Variants in SLCO3A1 observed in about 807,000 individuals in gnomAD.
SLCO3A1 encodes PGE1 transporter.
In SLCO3A1, 27 loss-of-function variants were observed where a neutral mutation model predicts 63.1. The ratio of observed to expected loss-of-function variants is 0.43; its 90% CI spans 0.32 to 0.59. SLCO3A1 has a LOEUF of 0.59. Among genes scored for constraint, SLCO3A1 ranks in the 20% least tolerant of loss-of-function variants. SLCO3A1 has a pLI of 0.09. For missense variants in SLCO3A1, 773 were observed against 945.8 expected (o/e 0.82, Z 2.40); for synonymous variants, 473 against 409.9 (o/e 1.15, Z -1.86).
At chr15:91,957,317 A>G (rs1900276742) in intron 2 of SLCO3A1, among the ~76,000 whole-genome samples, 1 of 147,740 alleles carries the variant, frequency 6.8e-6, no homozygotes, top group African/African-American at 2.5e-5. Flanking sequence ...TCTTCTGTAG[A>G]TTTCAGCCGC....
intron 2 of SLCO3A1, among the ~76,000 whole-genome samples, chr15:92,002,059 T>C (rs1313808586): frequency 6.6e-6 from 1 of 152,126 alleles, no homozygotes; most frequent in Admixed American, 6.6e-5. Context: ...GACCACGACA[T>C]AGGGACTCTT....
chr15:92,051,415 C>A (rs1230800152), intron 2 of SLCO3A1, among the ~76,000 whole-genome samples: 1 of 152,158 alleles, frequency 6.6e-6, no homozygotes, highest in Non-Finnish European at 1.5e-5. Context: ...TAGACTTCAT[C>A]TTGTGGGCAG....
rs1402934228 is a variant in SLCO3A1 at position 91,853,938 on chromosome 15, G to T, written c.30G>T (p.Ser10=). The T allele has an allele frequency of 2.1e-6, 3 of 1,460,730 alleles. No homozygotes were observed. The highest frequency in any genetic ancestry group is 1.3e-5 in the South Asian group (1 of 75,272). The allele number at this position is 1,460,730 out of a possible 1,614,324, so 90.5% of individuals were successfully genotyped here. MQGKKPGGS[S]GGGRSGELQG... is the part of the protein sequence containing the mutation. ...AGGGGAAGAAGCCGGGCGGTTCGTC[G>T]GGCGGCGGCCGGAGCGGCGAGCTGC... Residue 10 remains serine, a synonymous_variant, in exon 1 of 10, where the codon TCG becomes TCT. Transcript: ENST00000318445.
Position 91,862,431 on chromosome 15 carries a change from A to G in SLCO3A1, c.180+8343A>G, listed in dbSNP as rs992028184. On this transcript the variant is annotated intron_variant, in intron 1 of 9. Transcript: ENST00000318445. The surrounding 1 kb of genome is among the most constrained non-coding windows in gnomAD (Gnocchi z 4.0). ...TCAGCCTTAGCATTGGTTTTGGTTA[A>G]AATCTTTGCCCTCTGAAAATTCTGG... is the stretch of plus-strand genomic sequence containing the variant. Among the ~76,000 whole-genome samples, 3 of 152,054 alleles carry G rather than the reference A, an allele frequency of 2.0e-5. No homozygotes were observed. The highest frequency in any genetic ancestry group is 7.2e-5 in the African/African-American group (3 of 41,396).
chr15:92,004,828 T>G (rs1315769869), intron 2 of SLCO3A1, among the ~76,000 whole-genome samples: 2 of 152,262 alleles, frequency 1.3e-5, no homozygotes, highest in East Asian at 3.8e-4. Flanking sequence ...CTTTTCATCC[T>G]GGATGCATCT....
intron 2 of SLCO3A1, among the ~76,000 whole-genome samples, chr15:92,003,027 T>G (rs2046273511): frequency 6.6e-6 from 1 of 152,168 alleles, no homozygotes; most frequent in African/African-American, 2.4e-5. Flanking sequence ...GAGGCAAGGA[T>G]ATCACTCTTC....
Position 92,054,343 on chromosome 15 carries a change from ATGTT to A in SLCO3A1, c.647-40524_647-40521del, listed in dbSNP as rs201527425. ...AATGCTTATTTCCCTGCACACTTCT[ATGTT>A]TGTTTGTTTGTTTTAACAGTTGTAG... On this transcript the variant is annotated intron_variant, in intron 2 of 9. Transcript: ENST00000318445. Among the ~76,000 whole-genome samples, 134 of 152,270 alleles carry A rather than the reference ATGTT, an allele frequency of 8.8e-4. 2 individuals carry two copies. The East Asian group carries it at 0.018, about 20-fold the overall frequency.
Position 91,941,359 on chromosome 15 carries a change from C to A in SLCO3A1, c.646+24901C>A. 2.7e-6 allele frequency: 1 copy of A among 365,482 alleles called. No homozygotes were observed. The highest frequency in any genetic ancestry group is 2.1e-5 in the South Asian group (1 of 48,304). 22.6% of individuals were successfully genotyped at this position (365,482 alleles called of 1,614,324 possible). On this transcript the variant is annotated intron_variant, in intron 2 of 9. Coordinates refer to ENST00000318445, the MANE Select transcript of SLCO3A1 (RefSeq NM_013272.4). The surrounding 1 kb of genome is among the most constrained non-coding windows in gnomAD (Gnocchi z 4.4). The stretch of plus-strand genomic sequence containing the variant: ...GACCAGCTAGGACTGAGCCCAAAGA[C>A]CTGAGATTCCCTGGGAGGCTGTGGG...
At chr15:92,100,576 A>C (rs538625642) in intron 3 of SLCO3A1, among the ~76,000 whole-genome samples, 1 of 152,332 alleles carries the variant, frequency 6.6e-6, no homozygotes, top group Admixed American at 6.5e-5. Context: ...TTTTTTTTAA[A>C]GTTAAGACAC....
At chr15:92,007,651 A>G (rs1441052537) in intron 2 of SLCO3A1, among the ~76,000 whole-genome samples, 1 of 152,200 alleles carries the variant, frequency 6.6e-6, no homozygotes, top group East Asian at 1.9e-4. Context: ...AGATTTTTAG[A>G]GGCCTTAGAA....
Position 92,083,110 on chromosome 15 carries a change from G to A in SLCO3A1, c.647-11771G>A, listed in dbSNP as rs571987526. ...GAATGCATTACTTTTATAATCAGAC[G>A]AAATGATCACTTTCCTTGTAAAGAG... On this transcript the variant is annotated intron_variant, in intron 2 of 9. Coordinates refer to ENST00000318445, the MANE Select transcript of SLCO3A1 (RefSeq NM_013272.4). Among the ~76,000 whole-genome samples, 21 of 152,274 alleles carry A rather than the reference G, an allele frequency of 1.4e-4. 1 individual carries two copies. The South Asian group carries it at 2.3e-3, about 17-fold the overall frequency.
At chr15:91,973,770 G>C (rs184079291) in intron 2 of SLCO3A1, among the ~76,000 whole-genome samples, 1 of 152,136 alleles carries the variant, frequency 6.6e-6, no homozygotes, top group African/African-American at 2.4e-5. Context: ...CCACAACAAA[G>C]AATTATCCAA....
chr15:92,014,946 G>T (rs1454400272), intron 2 of SLCO3A1, among the ~76,000 whole-genome samples: 1 of 152,176 alleles, frequency 6.6e-6, no homozygotes, highest in Non-Finnish European at 1.5e-5. Flanking sequence ...TTCCTAAGGG[G>T]AAAAGCTCCA....
At chr15:92,159,109 G>C (rs1434242747) in intron 9 of SLCO3A1, among the ~76,000 whole-genome samples, 1 of 152,178 alleles carries the variant, frequency 6.6e-6, no homozygotes, top group Admixed American at 6.5e-5. Flanking sequence ...ACCAGGCAGG[G>C]TGGTATTAAC....
chr15:91,914,739 A>G (rs946483045), intron 1 of SLCO3A1, among the ~76,000 whole-genome samples: 1 of 151,712 alleles, frequency 6.6e-6, no homozygotes, highest in Non-Finnish European at 1.5e-5. Flanking sequence ...GCCTCGCTAA[A>G]TTGTGTATTT....
At chr15:92,027,278 T>C (rs1019180300) in intron 2 of SLCO3A1, among the ~76,000 whole-genome samples, 2 of 152,256 alleles carry the variant, frequency 1.3e-5, no homozygotes, top group Non-Finnish European at 2.9e-5. Context: ...ACAAACGTTC[T>C]TTTAATATCC....
In SLCO3A1 at chr15:92,147,067, C is replaced by T; in HGVS notation, c.1596C>T (p.Cys532=). ...VVPGKCPSPG[C]QEAFLTFLCV... is the part of the protein sequence containing the mutation. Reference sequence around the variant, plus strand: ...CTGGAAAATGCCCCAGTCCTGGGTGCCAAGAGGCCTTCCTCACTTTCCTCT... The same window carrying T: ...CTGGAAAATGCCCCAGTCCTGGGTGTCAAGAGGCCTTCCTCACTTTCCTCT... Residue 532 remains cysteine (C), a synonymous_variant, in exon 8 of 10, where the codon TGC becomes TGT. Transcript: ENST00000318445. The T allele has an allele frequency of 1.2e-6, 2 of 1,614,196 alleles. No homozygotes were observed. Among genetic ancestry groups the T allele is most frequent in the Non-Finnish European group, 1.7e-6 (2 of 1,180,028 alleles).
rs1897018252 is a variant in SLCO3A1 at position 91,860,370 on chromosome 15, G to A, written c.180+6282G>A. Among the ~76,000 whole-genome samples the A allele has an allele frequency of 6.6e-6, 1 of 152,112 alleles. No individual in the cohort carries two copies. The highest frequency in any genetic ancestry group is 2.1e-4 in the South Asian group (1 of 4,822). Reference sequence around the variant, plus strand: ...CTCAATAGCCTCATCTGAAAAATGGGGATAATGATCAAGCTTATCTTACAG... The same window carrying A: ...CTCAATAGCCTCATCTGAAAAATGGAGATAATGATCAAGCTTATCTTACAG... On this transcript the variant is annotated intron_variant, in intron 1 of 9. Coordinates refer to ENST00000318445, the MANE Select transcript of SLCO3A1 (RefSeq NM_013272.4). This position sits in a 1 kb window ranked among gnomAD's most constrained non-coding sequence, Gnocchi z 5.5.
At chr15:91,992,874 G>T (rs1260631924) in intron 2 of SLCO3A1, among the ~76,000 whole-genome samples, 1 of 152,110 alleles carries the variant, frequency 6.6e-6, no homozygotes, top group Non-Finnish European at 1.5e-5. Context: ...TCATCCTAGG[G>T]CTATTGCAGT....
Sources: gnomAD v4.1 joint callset for allele counts (sites outside exome capture counted in the v4.1 genomes callset) on GRCh38, gnomAD v4.1.1 for gene constraint, Gnocchi (gnomAD v3.1) non-coding constraint, MANE v1.5 for transcripts, NCBI Gene and HGNC (gene_info 2026-07-23, HGNC 2026-07-21) for gene names.